KSR2: variants seen among roughly 807,000 people sequenced by gnomAD.
KSR2 encodes kinase suppressor of ras 2.
KSR2 carries 25 observed loss-of-function variants against 107.8 expected under a neutral mutation model. The observed-to-expected ratio is 0.23, with a 90% CI of 0.17 to 0.32. The LOEUF (loss-of-function observed/expected upper bound fraction) is 0.32, where lower values mean the gene tolerates loss of function less well. KSR2 is among the 10% of genes least tolerant of loss of function. The pLI, the probability that KSR2 is intolerant of heterozygous loss-of-function variation, is 1.00. For missense variants in KSR2, 887 were observed against 1,268.9 expected (o/e 0.70, Z 4.57); for synonymous variants, 480 against 507.0 (o/e 0.95, Z 0.71).
rs540343212 is a variant in KSR2 at position 117,544,963 on chromosome 12, T to C, written c.1519-5076A>G. On this transcript the variant is annotated intron_variant, in intron 9 of 19. Coordinates refer to ENST00000339824, the MANE Select transcript of KSR2 (RefSeq NM_173598.6). ...TCACTAAGTATAATGTTAGCTGTAG[T>C]ATTATTTTAGGTGCTTTTATCAAGT... Among the ~76,000 whole-genome samples the C allele has an allele frequency of 3.0e-4, 45 of 152,330 alleles. No homozygotes were observed. In the South Asian group the frequency reaches 9.1e-3, roughly 31 times the overall value.
In KSR2 at chr12:117,781,639, T is replaced by G. The variant is rs529215604; in HGVS notation, c.473-20115A>C. On this transcript the variant is annotated intron_variant, in intron 3 of 19. Coordinates refer to ENST00000339824, the MANE Select transcript of KSR2 (RefSeq NM_173598.6). ...CTTCAACTGGACGATGAATTCCTGA[T>G]GCTCAGGGACCATGTCTTGGTATCT... 6.3e-4 allele frequency among the ~76,000 whole-genome samples: 96 copies of G among 152,220 alleles called. 1 individual carries two copies. Among genetic ancestry groups the G allele is most frequent in the Non-Finnish European group, 9.7e-4 (66 of 68,028 alleles).
chr12:117,724,766 G>T (rs1887350558), intron 4 of KSR2, among the ~76,000 whole-genome samples: 1 of 150,118 alleles, frequency 6.7e-6, no homozygotes, highest in South Asian at 2.2e-4. Flanking sequence ...TGTAGCGAGG[G>T]TTGTTTGTGA....
chr12:117,507,625 T>A (rs1165029130), intron 14 of KSR2, among the ~76,000 whole-genome samples: 1 of 152,178 alleles, frequency 6.6e-6, no homozygotes, highest in African/African-American at 2.4e-5. Flanking sequence ...AGCAGCCCCA[T>A]CTGCCTTCAG....
intron 7 of KSR2, among the ~76,000 whole-genome samples, chr12:117,578,410 A>G (rs927903077): frequency 1.3e-5 from 2 of 152,062 alleles, no homozygotes; most frequent in South Asian, 4.2e-4. Context: ...CCTGGCCAAC[A>G]TGGTAAATCC....
intron 1 of KSR2, among the ~76,000 whole-genome samples, chr12:117,895,693 T>C (rs1402842259): frequency 2.0e-5 from 3 of 152,186 alleles, no homozygotes; most frequent in Non-Finnish European, 2.9e-5. Context: ...ATGTTAAACA[T>C]AGAGTTATCA....
At chr12:117,792,501 A>T (rs1890287766) in intron 3 of KSR2, among the ~76,000 whole-genome samples, 1 of 152,188 alleles carries the variant, frequency 6.6e-6, no homozygotes, top group African/African-American at 2.4e-5. Context: ...ATCTCAGAGG[A>T]TTCTCGCAAA....
intron 4 of KSR2, among the ~76,000 whole-genome samples, chr12:117,715,526 A>G (rs975575284): frequency 6.6e-6 from 1 of 152,220 alleles, no homozygotes. Flanking sequence ...GGGACAGGCA[A>G]GAGATATCCT....
At chr12:117,889,302 G>A (rs2137350347) in intron 1 of KSR2, among the ~76,000 whole-genome samples, 1 of 152,300 alleles carries the variant, frequency 6.6e-6, no homozygotes, top group African/African-American at 2.4e-5. Flanking sequence ...CGGGTGTGGA[G>A]GGGACCAGCT....
At chr12:117,822,604 A>G (rs371435578) in intron 3 of KSR2, among the ~76,000 whole-genome samples, 2 of 152,376 alleles carry the variant, frequency 1.3e-5, no homozygotes, top group African/African-American at 2.4e-5. Flanking sequence ...ATATGAAGTC[A>G]GTTAACACAT....
rs779283713 is a variant in KSR2, at chr12:117,539,895, G to C, written c.1519-8C>G. The C allele has an allele frequency of 4.4e-6, 7 of 1,596,396 alleles. No homozygotes were observed. The highest frequency in any genetic ancestry group is 2.7e-5 in the African/African-American group (2 of 73,720). On this transcript the variant is annotated splice_region_variant and splice_polypyrimidine_tract_variant and intron_variant, in intron 9 of 19. Coordinates refer to ENST00000339824, the MANE Select transcript of KSR2 (RefSeq NM_173598.6). ...AGGGACAGGGATGTGGTCCTGCAGA[G>C]AGAAAACAGGGTAGGAGTCAGGGAC...
chr12:117,740,043 C>T (rs891589343), intron 4 of KSR2, among the ~76,000 whole-genome samples: 1 of 151,828 alleles, frequency 6.6e-6, no homozygotes, highest in African/African-American at 2.4e-5. Context: ...ACAGTATACA[C>T]TGAACCCAAT....
chr12:117,837,054 A>C (rs115803307), intron 3 of KSR2, among the ~76,000 whole-genome samples: 408 of 152,294 alleles, frequency 2.7e-3, no homozygotes, highest in African/African-American at 9.2e-3. Context: ...AGACCAACGC[A>C]AGAGCATCAT....
intron 5 of KSR2, among the ~76,000 whole-genome samples, chr12:117,602,484 C>A (rs551267714): frequency 6.6e-6 from 1 of 152,202 alleles, no homozygotes; most frequent in Non-Finnish European, 1.5e-5. Context: ...TAAGTGGAAT[C>A]ACATAATATG....
At chr12:117,870,909 C>A (rs1283480213) in intron 1 of KSR2, among the ~76,000 whole-genome samples, 1 of 152,122 alleles carries the variant, frequency 6.6e-6, no homozygotes, top group Non-Finnish European at 1.5e-5. Context: ...GTGTACTCAG[C>A]CGAGCAGGGA....
At chr12:117,885,742 C>T (rs1894155522) in intron 1 of KSR2, among the ~76,000 whole-genome samples, 1 of 151,516 alleles carries the variant, frequency 6.6e-6, no homozygotes, top group Non-Finnish European at 1.5e-5. Context: ...GCCTGCGGGG[C>T]GTAAAACCTA....
intron 16 of KSR2, among the ~76,000 whole-genome samples, chr12:117,480,106 T>A (rs1487273338): frequency 6.9e-6 from 1 of 145,614 alleles, no homozygotes; most frequent in Non-Finnish European, 1.5e-5. Context: ...GAGCCCACAG[T>A]AGGAATGTCT....
intron 3 of KSR2, among the ~76,000 whole-genome samples, chr12:117,825,924 T>C (rs1891727632): frequency 3.3e-5 from 1 of 30,610 alleles, no homozygotes; most frequent in Admixed American, 4.9e-4. Context: ...GATGGGTGGA[T>C]GGGTGGGTGG....
chr12:117,643,561 A>G (rs1377104516), intron 5 of KSR2, among the ~76,000 whole-genome samples: 1 of 152,222 alleles, frequency 6.6e-6, no homozygotes, highest in Non-Finnish European at 1.5e-5. Flanking sequence ...TTAAACTAAA[A>G]GTTTGTTTAT....
At chr12:117,560,622 G>C (rs2137358726) in intron 7 of KSR2, among the ~76,000 whole-genome samples, 1 of 152,304 alleles carries the variant, frequency 6.6e-6, no homozygotes, top group South Asian at 2.1e-4. Context: ...ATTTTTTCCA[G>C]GTTGCCTTAT....
Sources: gnomAD v4.1 joint callset for allele counts (sites outside exome capture counted in the v4.1 genomes callset) on GRCh38, gnomAD v4.1.1 for gene constraint, MANE v1.5 for transcripts, NCBI Gene and HGNC (gene_info 2026-07-23, HGNC 2026-07-21) for gene names.